MADD: variants seen among roughly 807,000 people sequenced by gnomAD.
MADD encodes the protein MAP kinase-activating death domain protein.
MADD carries 109 observed loss-of-function variants against 176.7 expected under a neutral mutation model. The observed-to-expected ratio is 0.62, with a 90% CI of 0.53 to 0.72. The LOEUF is 0.72. Among genes scored for constraint, MADD ranks in the 30% least tolerant of loss-of-function variants. The pLI is 0.00. For missense variants in MADD, 1,914 were observed against 2,045.5 expected, an observed-to-expected ratio of 0.94 and a Z score of 1.24; for synonymous variants, 771 against 771.3, an observed-to-expected ratio of 1.00 and a Z score of 0.01.
At chr11:47,318,872 A>G (rs941548238) in intron 27 of MADD, among the ~76,000 whole-genome samples, 1 of 131,986 alleles carries the variant, frequency 7.6e-6, no homozygotes, top group Non-Finnish European at 1.5e-5. Context: ...CAGTGGTACA[A>G]TCTTGGTTCA....
At chr11:47,288,378 G>T (rs1565366766) in intron 15 of MADD, among the ~76,000 whole-genome samples, 1 of 152,212 alleles carries the variant, frequency 6.6e-6, no homozygotes, top group Non-Finnish European at 1.5e-5. Context: ...ATGGGCAAAA[G>T]GACATCAGAG....
At chr11:47,326,704 G>A in intron 30 of MADD, 34 bp from the exon 35 acceptor site, 1 of 1,608,450 alleles carries the variant, frequency 6.2e-7, no homozygotes, top group Admixed American at 1.7e-5. Context: ...TGGAGCCTGT[G>A]GGCCTTACCC....
At chr11:47,307,600 T>C (rs920665622) in intron 22 of MADD, among the ~76,000 whole-genome samples, 5 of 152,156 alleles carry the variant, frequency 3.3e-5, no homozygotes, top group African/African-American at 1.2e-4. Flanking sequence ...ATTTCATGTG[T>C]TGTGAAATGG....
chr11:47,291,879 G>C (rs558860827), intron 19 of MADD, among the ~76,000 whole-genome samples: 2 of 152,322 alleles, frequency 1.3e-5, no homozygotes, highest in Admixed American at 6.5e-5. Context: ...CATTCTGTCT[G>C]CTTTTCCCTA....
chr11:47,304,391 T>A (rs950326570), intron 22 of MADD, among the ~76,000 whole-genome samples: 3 of 152,002 alleles, frequency 2.0e-5, no homozygotes, highest in African/African-American at 7.2e-5. Flanking sequence ...CCACCACACC[T>A]GGCTAATTTT....
chr11:47,322,606 G>A (rs192680028), intron 27 of MADD, among the ~76,000 whole-genome samples: 5 of 151,894 alleles, frequency 3.3e-5, no homozygotes, highest in African/African-American at 1.2e-4. Flanking sequence ...AGCGAGATCC[G>A]TCTCAAAAAG....
chr11:47,301,308 G>T (rs1157900207), intron 22 of MADD, among the ~76,000 whole-genome samples: 1 of 151,876 alleles, frequency 6.6e-6, no homozygotes, highest in Admixed American at 6.6e-5. Flanking sequence ...AGTAGAGATG[G>T]GGTTTTGCCA....
At chr11:47,294,986 A>C (rs1181272008) in intron 20 of MADD, among the ~76,000 whole-genome samples, 1 of 151,168 alleles carries the variant, frequency 6.6e-6, no homozygotes, top group African/African-American at 2.4e-5. Context: ...GTGAGCATGT[A>C]CTTCTTTAAC....
chr11:47,321,694 G>T (rs1210217016), intron 27 of MADD, among the ~76,000 whole-genome samples: 4 of 152,200 alleles, frequency 2.6e-5, no homozygotes, highest in Non-Finnish European at 4.4e-5. Context: ...AAGAGTTAAT[G>T]GTTGGGGAGT....
chr11:47,284,804 G>A (rs1029111578), intron 12 of MADD, 137 bp from the exon 13 acceptor site: 19 of 1,309,020 alleles, frequency 1.5e-5, no homozygotes, highest in Admixed American at 6.2e-5. Flanking sequence ...GACAGAGAAC[G>A]GGTGCTACAG....
chr11:47,308,643 C>T lies in MADD; in HGVS notation c.3695C>T (p.Pro1232Leu), dbSNP rs866129414. The change falls in exon 23 of 33, where the codon CCC becomes CTC. Residue 1232 changes from proline to leucine, a missense_variant. Pro to Leu is a moderately conservative substitution (Grantham distance 98, BLOSUM62 -3). Coordinates refer to ENST00000402192, the Ensembl canonical transcript of MADD. Reference sequence around the variant, plus strand: ...ATAAAGGAGAAGCTGGCAGGCAGCCCCATTCGTACTTCTGAAGATGTGAGC... The same window carrying T: ...ATAAAGGAGAAGCTGGCAGGCAGCCTCATTCGTACTTCTGAAGATGTGAGC... 1.2e-6 allele frequency: 2 copies of T among 1,614,002 alleles called. No homozygotes were observed. Among genetic ancestry groups the T allele is most frequent in the Admixed American group, 1.7e-5 (1 of 60,020 alleles).
chr11:47,284,875 A>T, intron 12 of MADD, 66 bp from the exon 13 acceptor site: 3 of 1,592,772 alleles, frequency 1.9e-6, no homozygotes, highest in Non-Finnish European at 2.6e-6. Context: ...AGCCCTGCCA[A>T]ACTGGGATTA....
chr11:47,327,147 A>G, intron 31 of MADD: 1 of 1,066,384 alleles, frequency 9.4e-7, no homozygotes, highest in Non-Finnish European at 1.1e-6. Context: ...CCCAAGCTCC[A>G]CTATGTCCAT....
chr11:47,314,536 G>C (rs908497585), intron 26 of MADD, among the ~76,000 whole-genome samples: 4 of 151,438 alleles, frequency 2.6e-5, no homozygotes, highest in African/African-American at 4.9e-5. Flanking sequence ...AAGCCCAGGA[G>C]TTCAGAGCTG....
chr11:47,319,413 G>A (rs1271705838), intron 27 of MADD, among the ~76,000 whole-genome samples: 1 of 152,098 alleles, frequency 6.6e-6, no homozygotes, highest in Non-Finnish European at 1.5e-5. Context: ...GATTACAGGT[G>A]TGAGCCACCA....
At chr11:47,289,472 A>C (rs539915564) in exon 16 of MADD, 1 of 1,614,176 alleles carries the variant, frequency 6.2e-7, no homozygotes, top group Admixed American at 1.7e-5. Flanking sequence ...CCATCACCCC[A>C]GGGTCGATCC....
Position 47,308,134 on chromosome 11 carries a change from T to A in MADD, c.3643-457T>A, listed in dbSNP as rs548157493. 4.9e-4 allele frequency among the ~76,000 whole-genome samples: 75 copies of A among 152,362 alleles called. 1 individual carries two copies. The highest frequency in any genetic ancestry group is 4.4e-3 in the Admixed American group (67 of 15,302). On this transcript the variant is annotated intron_variant, in intron 22 of 32. Coordinates refer to ENST00000402192, the Ensembl canonical transcript of MADD. ...CCTTATATGTATCTTCAAATTTAATTCTTGTAAAGTAGTCCTATGAGGTAG... is the reference window on the plus strand; with the variant it reads ...CCTTATATGTATCTTCAAATTTAATACTTGTAAAGTAGTCCTATGAGGTAG...
chr11:47,285,908 A>G (rs1392874959), intron 14 of MADD, among the ~76,000 whole-genome samples: 2 of 152,186 alleles, frequency 1.3e-5, no homozygotes, highest in East Asian at 1.9e-4. Flanking sequence ...GTCAAATTTG[A>G]TTTGAGTCCA....
chr11:47,302,682 A>G (rs2078812658), intron 22 of MADD, among the ~76,000 whole-genome samples: 2 of 151,804 alleles, frequency 1.3e-5, no homozygotes, highest in Non-Finnish European at 2.9e-5. Context: ...AGTTAGGTCA[A>G]GTATTTTTTT....
Sources: gnomAD v4.1 joint callset for allele counts (sites outside exome capture counted in the v4.1 genomes callset) on GRCh38, gnomAD v4.1.1 for gene constraint, MANE v1.5 for transcripts, NCBI Gene and HGNC (gene_info 2026-07-23, HGNC 2026-07-21) for gene names.